The following COL9A1 variants were observed in gnomAD, a reference collection of about 807,000 sequenced individuals.
COL9A1 encodes the protein collagen alpha-1(IX) chain.
COL9A1 carries 104 observed loss-of-function variants against 142.6 expected under a neutral mutation model. The observed-to-expected ratio is 0.73, with a 90% confidence interval of 0.62 to 0.86. The LOEUF (loss-of-function observed/expected upper bound fraction) is 0.86. Ranked by LOEUF, COL9A1 falls within the 40% of genes least tolerant of loss-of-function variation. The pLI is 0.00. For missense variants in COL9A1, 1,210 were observed against 1,176.6 expected (o/e 1.03, Z -0.42); for synonymous variants, 466 against 396.0 (o/e 1.18, Z -2.10).
At chr6:70,300,921 C>T (rs1328837132) in intron 2 of COL9A1, among the ~76,000 whole-genome samples, 2 of 152,060 alleles carry the variant, frequency 1.3e-5, no homozygotes, top group Non-Finnish European at 2.9e-5. Flanking sequence ...GAATCTTTGT[C>T]AGATATAGGG....
chr6:70,293,475 C>T (rs769934791), intron 5 of COL9A1, among the ~76,000 whole-genome samples: 2 of 152,030 alleles, frequency 1.3e-5, no homozygotes, highest in African/African-American at 2.4e-5. Context: ...AAATCCTTCA[C>T]TTCTACAATA....
At position 70,294,237 on chromosome 6, in the gene COL9A1, C is replaced by A. The variant is rs571441243; in HGVS notation, c.626G>T (p.Arg209Ile). The A allele has an allele frequency of 6.2e-7, 1 of 1,614,062 alleles. No homozygotes were observed. The highest frequency in any genetic ancestry group is 1.7e-5 in the Admixed American group (1 of 60,006). ...AAAGCCATCAATGTCAATTGGGCCT[C>A]TTGGCTTTATAGGTAAAGATTCAAT... ...NRIESLPIKPRGPIDIDGFAV... is the reference protein window; with the variant it reads ...NRIESLPIKPIGPIDIDGFAV... Residue 209 changes from arginine to isoleucine, a missense_variant, in exon 5 of 38, where the codon AGA (arginine) becomes ATA (isoleucine). Arg to Ile is a moderately conservative substitution (Grantham distance 97, BLOSUM62 -3). Transcript: ENST00000357250.
intron 5 of COL9A1, among the ~76,000 whole-genome samples, chr6:70,288,538 C>A (rs1425162533): frequency 6.6e-6 from 1 of 152,146 alleles, no homozygotes; most frequent in African/African-American, 2.4e-5. Context: ...AGTGTGAAAG[C>A]CAAAGTACTA....
chr6:70,267,318 G>GTTTTTTTTTTTTT (rs1253782694), intron 17 of COL9A1, among the ~76,000 whole-genome samples: 5 of 97,726 alleles, frequency 5.1e-5, no homozygotes, highest in Non-Finnish European at 6.9e-5. Context: ...TTGTTTGTTT[G>GTTTTTTTTTTTTT]GTTTTTTTGT....
chr6:70,260,082 A>G (rs1324257160), intron 20 of COL9A1, among the ~76,000 whole-genome samples: 2 of 152,192 alleles, frequency 1.3e-5, no homozygotes, highest in East Asian at 3.9e-4. Flanking sequence ...ACCACTGATC[A>G]TGACAATGAG....
intron 20 of COL9A1, among the ~76,000 whole-genome samples, chr6:70,257,876 A>C (rs1771421418): frequency 6.6e-6 from 1 of 152,212 alleles, no homozygotes; most frequent in South Asian, 2.1e-4. Flanking sequence ...CAAGATCTGG[A>C]ATAAGAAGTC....
At chr6:70,264,221 C>T (rs575263388) in intron 18 of COL9A1, among the ~76,000 whole-genome samples, 1 of 151,854 alleles carries the variant, frequency 6.6e-6, no homozygotes, top group East Asian at 1.9e-4. Flanking sequence ...TTTAGATTTC[C>T]TAAATGTTTA....
chr6:70,269,888 C>G (rs6914074), intron 15 of COL9A1, among the ~76,000 whole-genome samples: 1 of 151,886 alleles, frequency 6.6e-6, no homozygotes, highest in South Asian at 2.1e-4. Context: ...TGAAGGGAAA[C>G]GAAATAAGAG....
chr6:70,260,899 A>G (rs1562310304), intron 19 of COL9A1, 189 bp from the exon 20 acceptor site: 3 of 534,988 alleles, frequency 5.6e-6, no homozygotes, highest in Non-Finnish European at 9.6e-6. Context: ...CTGATGGTAA[A>G]CCTTTTTATA....
rs777952773 is a variant in COL9A1, at chr6:70,270,334, G to A, written c.1177C>T (p.Pro393Ser). The change falls in exon 15 of 38, where the codon CCT becomes TCT. Residue 393 changes from proline to serine, a missense_variant. Physicochemically the swap from Pro to Ser is moderately conservative, Grantham distance 74. Coordinates refer to ENST00000357250, the MANE Select transcript of COL9A1 (RefSeq NM_001851.6). Reference protein sequence around the residue: ...DPGRRGPPGPPGPPGPRGTIG... With the variant: ...DPGRRGPPGPSGPPGPRGTIG... ...CTTACTCTGGGTCCTGGGGGGCCAG[G>A]GGGGCCAGGTGGTCCTCTTCTCCCA... is the stretch of plus-strand genomic sequence containing the variant. The A allele has an allele frequency of 8.1e-6, 13 of 1,613,640 alleles. No individual in the cohort carries two copies. The East Asian group carries it at 2.0e-4, about 25-fold the overall frequency.
chr6:70,222,489 C>G (rs1317509735), intron 37 of COL9A1, among the ~76,000 whole-genome samples: 1 of 152,214 alleles, frequency 6.6e-6, no homozygotes, highest in Non-Finnish European at 1.5e-5. Context: ...GCACTGTAGC[C>G]AAAATGATCA....
intron 36 of COL9A1, 63 bp from the exon 37 acceptor site, chr6:70,226,072 T>C: frequency 1.4e-6 from 2 of 1,407,834 alleles, no homozygotes; most frequent in East Asian, 2.3e-5. Flanking sequence ...TCCGCATCTT[T>C]AAACTTTCAG....
chr6:70,259,236 T>C (rs1771518951), intron 20 of COL9A1, among the ~76,000 whole-genome samples: 3 of 152,200 alleles, frequency 2.0e-5, no homozygotes, highest in South Asian at 4.1e-4. Context: ...ATTTCATTTA[T>C]TGAGCATGTA....
At chr6:70,224,934 A>G (rs1769130910) in intron 37 of COL9A1, among the ~76,000 whole-genome samples, 1 of 152,222 alleles carries the variant, frequency 6.6e-6, no homozygotes, top group African/African-American at 2.4e-5. Flanking sequence ...CAATCCCCAG[A>G]AGCAATGAAA....
chr6:70,280,332 A>T, intron 10 of COL9A1: 1 of 1,200,206 alleles, frequency 8.3e-7, no homozygotes, highest in East Asian at 3.7e-5. Flanking sequence ...CTTGGGATTT[A>T]GGAGTGCTCT....
chr6:70,269,096 G>T (rs985939209), intron 16 of COL9A1, among the ~76,000 whole-genome samples: 1 of 152,030 alleles, frequency 6.6e-6, no homozygotes, highest in Non-Finnish European at 1.5e-5. Flanking sequence ...CCTCCCCCAT[G>T]AATGTACCAT....
intron 10 of COL9A1, 107 bp downstream of exon 10, chr6:70,280,705 T>TTCTC: frequency 7.4e-7 from 1 of 1,342,560 alleles, no homozygotes; most frequent in South Asian, 1.3e-5. Flanking sequence ...CCACAGCGCG[T>TTCTC]TCTCTCTCTC....
chr6:70,296,984 C>A (rs1000195974), intron 4 of COL9A1, among the ~76,000 whole-genome samples: 3 of 152,006 alleles, frequency 2.0e-5, no homozygotes, highest in African/African-American at 4.8e-5. Context: ...AGAATTTAAT[C>A]AGTTTCCTTT....
In COL9A1 at chr6:70,256,783, A is replaced by T; in HGVS notation, c.1488T>A (p.Gly496=). The change falls in exon 21 of 38, where the codon GGT becomes GGA. Residue 496 remains glycine, a synonymous_variant. Coordinates refer to ENST00000357250, the MANE Select transcript of COL9A1 (RefSeq NM_001851.6). ...RGLDGEPGPQ[G]LPGAPGDQGQ... The stretch of plus-strand genomic sequence containing the variant: ...AATCACTTACAGGTGCACCAGGAAG[A>T]CCCTGAGGCCCAGGTTCACCATCTA... 6.2e-7 allele frequency: 1 copy of T among 1,613,872 alleles called. No individual in the cohort carries two copies.
Sources: allele counts gnomAD v4.1 joint callset (sites outside exome capture counted in the v4.1 genomes callset), GRCh38; gene constraint gnomAD v4.1.1; transcripts MANE v1.5; gene names NCBI Gene and HGNC (gene_info 2026-07-23, HGNC 2026-07-21).